The following SLC9C2 variants were observed in gnomAD, a reference collection of about 807,000 sequenced individuals.
The protein encoded by SLC9C2 is solute carrier family 9 member C2 (putative).
Under a neutral mutation model 140.2 loss-of-function variants are expected in SLC9C2, and 75 were observed. The ratio of observed to expected loss-of-function variants is 0.53; its 90% CI spans 0.44 to 0.65. The LOEUF (loss-of-function observed/expected upper bound fraction) is 0.65. Ranked by LOEUF, SLC9C2 falls within the 30% of genes least tolerant of loss-of-function variation. SLC9C2 has a pLI of 0.00. For missense variants in SLC9C2, 1,074 were observed against 1,331.8 expected (o/e 0.81, Z 3.01); for synonymous variants, 375 against 420.9 (o/e 0.89, Z 1.34).
chr1:173,541,156 G>A (rs1662370364), intron 13 of SLC9C2, among the ~76,000 whole-genome samples: 1 of 151,826 alleles, frequency 6.6e-6, no homozygotes, highest in Non-Finnish European at 1.5e-5. Context: ...AAGGGATAGA[G>A]GAAGATCTAC....
At chr1:173,511,029 CTTTTT>C (rs71111066) in intron 23 of SLC9C2, among the ~76,000 whole-genome samples, 11,123 of 86,286 alleles carry the variant, frequency 0.13, 323 homozygotes, top group East Asian at 0.32. Context: ...CTTTCTTTTC[CTTTTT>C]TTTTTTTTTT....
At chr1:173,546,925 A>G in intron 13 of SLC9C2, among the ~76,000 whole-genome samples, 1 of 152,156 alleles carries the variant, frequency 6.6e-6, no homozygotes, top group South Asian at 2.1e-4. Flanking sequence ...TTTCAGACTA[A>G]TACATAAGAT....
In SLC9C2 at chr1:173,506,992, G is replaced by T; in HGVS notation, c.3089C>A (p.Thr1030Asn). 1.2e-6 allele frequency: 2 copies of T among 1,609,854 alleles called. No homozygotes were observed. The highest frequency in any genetic ancestry group is 4.5e-5 in the East Asian group (2 of 44,790). The change falls in exon 25 of 28, where the codon ACT becomes AAT. Residue 1030 changes from threonine (T) to asparagine (N), a missense_variant. By Grantham distance (65) the Thr-to-Asn change is moderately conservative (BLOSUM62 0). Transcript: ENST00000367714. Reference protein sequence around the residue: ...CVMFNQAYVETLSSYSDMIID... With the variant: ...CVMFNQAYVENLSSYSDMIID... The stretch of plus-strand genomic sequence containing the variant: ...AATCATGTCACTATAGCTTGATAAA[G>T]TTTCCACATATGCTTGATTGAACAT...
intron 13 of SLC9C2, 112 bp downstream of exon 13, chr1:173,547,577 C>A: frequency 1.5e-6 from 1 of 670,794 alleles, no homozygotes; most frequent in Non-Finnish European, 2.4e-6. Flanking sequence ...TTAATTTTAA[C>A]AATCAATAGA....
At chr1:173,527,588 A>C (rs562079604) in intron 18 of SLC9C2, among the ~76,000 whole-genome samples, 1 of 152,316 alleles carries the variant, frequency 6.6e-6, no homozygotes, top group East Asian at 1.9e-4. Context: ...TTGGATGCCC[A>C]CTATGTCCCA....
In SLC9C2 at chr1:173,536,971, T is replaced by C; in HGVS notation, c.1626A>G (p.Ala542=). ...EIEAARILIG[A]AKCYYSIQGK... is the part of the protein sequence containing the mutation. The stretch of plus-strand genomic sequence containing the variant: ...CTTGGATGGAGTAATAGCATTTTGC[T>C]GCACCAATTAATATCCGGGCTGCCT... The change falls in exon 14 of 28, where the codon GCA becomes GCG. Residue 542 remains alanine (A), a synonymous_variant. Coordinates refer to ENST00000367714, the MANE Select transcript of SLC9C2 (RefSeq NM_178527.4). 1 of 1,613,828 alleles carries C rather than the reference T, an allele frequency of 6.2e-7. No individual in the cohort carries two copies. The highest frequency in any genetic ancestry group is 8.5e-7 in the Non-Finnish European group (1 of 1,179,820).
intron 9 of SLC9C2, 60 bp from the exon 10 acceptor site, chr1:173,557,568 T>G: frequency 2.1e-6 from 3 of 1,457,514 alleles, no homozygotes; most frequent in Non-Finnish European, 2.8e-6. Flanking sequence ...TATTCATAGT[T>G]GAAAGCAAGT....
chr1:173,601,564 T>C, intron 2 of SLC9C2, 86 bp downstream of exon 2: 2 of 1,463,278 alleles, frequency 1.4e-6, no homozygotes. Flanking sequence ...CCCCTTCTTT[T>C]GATGTTATGT....
intron 11 of SLC9C2, among the ~76,000 whole-genome samples, chr1:173,551,144 G>A (rs1267775798): frequency 6.6e-6 from 1 of 152,116 alleles, no homozygotes; most frequent in Non-Finnish European, 1.5e-5. Context: ...TCTCTGAGTA[G>A]GACAGGATGA....
chr1:173,516,759 A>G (rs1054497393), intron 23 of SLC9C2, among the ~76,000 whole-genome samples: 1 of 152,218 alleles, frequency 6.6e-6, no homozygotes, highest in Non-Finnish European at 1.5e-5. Flanking sequence ...TGTTGTGAAT[A>G]GTGCTGCAGT....
At chr1:173,544,896 T>C (rs920585944) in intron 13 of SLC9C2, among the ~76,000 whole-genome samples, 1 of 152,002 alleles carries the variant, frequency 6.6e-6, no homozygotes, top group African/African-American at 2.4e-5. Context: ...TTAGGAGAAA[T>C]ACCTAACGTA....
intron 13 of SLC9C2, among the ~76,000 whole-genome samples, chr1:173,541,064 T>C (rs1172042246): frequency 6.6e-6 from 1 of 151,972 alleles, no homozygotes; most frequent in Non-Finnish European, 1.5e-5. Flanking sequence ...GACTGGCAAA[T>C]TGGATAAAGA....
In SLC9C2 at chr1:173,503,293, T is replaced by G; in HGVS notation, c.3344A>C (p.Lys1115Thr). 6.2e-7 allele frequency: 1 copy of G among 1,613,890 alleles called. No individual in the cohort carries two copies. The highest frequency in any genetic ancestry group is 8.5e-7 in the Non-Finnish European group (1 of 1,179,862). The change falls in exon 27 of 28, where the codon AAG becomes ACG. Residue 1115 changes from lysine (K) to threonine (T), a missense_variant. Transcript: ENST00000367714. ...SVNTVFEQPGKNINGRQKMS is the reference protein window; with the variant it reads ...SVNTVFEQPGTNINGRQKMS ...CATCTTTTGTCTTCCATTTATATTCTTTCCTGGTTGTTCAAAGACCGTGTT... is the reference window on the plus strand; with the variant it reads ...CATCTTTTGTCTTCCATTTATATTCGTTCCTGGTTGTTCAAAGACCGTGTT...
intron 23 of SLC9C2, among the ~76,000 whole-genome samples, chr1:173,515,048 T>C (rs918292878): frequency 1.3e-5 from 2 of 152,212 alleles, no homozygotes; most frequent in Non-Finnish European, 1.5e-5. Flanking sequence ...CTTCCTTTTG[T>C]AGGTGACCTG....
chr1:173,512,270 C>A (rs941589181), intron 23 of SLC9C2, among the ~76,000 whole-genome samples: 1 of 152,208 alleles, frequency 6.6e-6, no homozygotes, highest in Non-Finnish European at 1.5e-5. Flanking sequence ...ACTATTGATT[C>A]TTCCTATCCA....
At chr1:173,511,910 T>G (rs928111408) in intron 23 of SLC9C2, among the ~76,000 whole-genome samples, 2 of 152,248 alleles carry the variant, frequency 1.3e-5, no homozygotes, top group Non-Finnish European at 2.9e-5. Context: ...GAATAGGAGA[T>G]CCTTTCCCCA....
intron 22 of SLC9C2, among the ~76,000 whole-genome samples, chr1:173,519,017 T>C (rs1187808732): frequency 6.6e-6 from 1 of 152,066 alleles, no homozygotes; most frequent in Non-Finnish European, 1.5e-5. Flanking sequence ...AAAAAGATGA[T>C]TTTTGGAGTT....
intron 26 of SLC9C2, 111 bp downstream of exon 26, chr1:173,505,136 G>A: frequency 1.1e-6 from 1 of 900,202 alleles, no homozygotes; most frequent in Non-Finnish European, 1.7e-6. Flanking sequence ...GGGGACTAAT[G>A]ATAAACCCAC....
At chr1:173,562,078 GTTATATGCCCA>G (rs1255484690) in intron 9 of SLC9C2, among the ~76,000 whole-genome samples, 1 of 152,114 alleles carries the variant, frequency 6.6e-6, no homozygotes, top group Non-Finnish European at 1.5e-5. Context: ...TAGGAATTAA[GTTATATGCCCA>G]TTACAACTCT....
Sources: gnomAD v4.1 joint callset for allele counts (sites outside exome capture counted in the v4.1 genomes callset) on GRCh38, gnomAD v4.1.1 for gene constraint, MANE v1.5 for transcripts, NCBI Gene and HGNC (gene_info 2026-07-23, HGNC 2026-07-21) for gene names.